Variants in MGAT4C observed in about 807,000 individuals in gnomAD.
MGAT4C encodes alpha-1,3-mannosyl-glycoprotein 4-beta-N-acetylglucosaminyltransferase C.
A neutral mutation model predicts 40.1 loss-of-function variants in MGAT4C; 19 were observed. The observed-to-expected ratio is 0.47, with a 90% CI of 0.33 to 0.70. The LOEUF (loss-of-function observed/expected upper bound fraction) is 0.70, where lower values mean the gene tolerates loss of function less well. Among genes scored for constraint, MGAT4C ranks in the 30% least tolerant of loss-of-function variants. The pLI is 0.02. For synonymous variants in MGAT4C, 181 were observed against 187.1 expected (o/e 0.97, Z 0.27); for missense variants, 491 against 563.2 (o/e 0.87, Z 1.30).
At chr12:86,651,690 T>C (rs184012150) in intron 2 of MGAT4C, among the ~76,000 whole-genome samples, 102 of 151,994 alleles carry the variant, frequency 6.7e-4, no homozygotes, top group African/African-American at 2.4e-3. Context: ...CCAACAATTG[T>C]ATTTTCTAAT....
chr12:86,200,873 GAC>G (rs1285127371), intron 1 of MGAT4C, among the ~76,000 whole-genome samples: 2 of 152,152 alleles, frequency 1.3e-5, no homozygotes, highest in East Asian at 3.9e-4. Flanking sequence ...ATAAAAAGAA[GAC>G]ACACCAGAGA....
At chr12:86,039,045 TG>T (rs1236967578) in intron 2 of MGAT4C, among the ~76,000 whole-genome samples, 1 of 144,924 alleles carries the variant, frequency 6.9e-6, no homozygotes, top group East Asian at 1.9e-4. Context: ...TCTTTAAGAA[TG>T]TTGAATATTG....
chr12:86,660,748 C>T (rs1479547516), intron 2 of MGAT4C, among the ~76,000 whole-genome samples: 1 of 152,102 alleles, frequency 6.6e-6, no homozygotes, highest in Non-Finnish European at 1.5e-5. Context: ...CATTTATACT[C>T]TTAGCAGGGT....
chr12:86,618,725 C>T (rs1418414661), intron 2 of MGAT4C, among the ~76,000 whole-genome samples: 2 of 151,544 alleles, frequency 1.3e-5, no homozygotes. Context: ...TGGGCACAAA[C>T]ATACAGTTAG....
At chr12:86,140,600 A>G (rs772387239) in intron 1 of MGAT4C, among the ~76,000 whole-genome samples, 7 of 152,152 alleles carry the variant, frequency 4.6e-5, no homozygotes, top group Non-Finnish European at 1.0e-4. Flanking sequence ...TGGTACATGT[A>G]TACCTATGTA....
chr12:86,345,118 G>A (rs116510518), intron 3 of MGAT4C, among the ~76,000 whole-genome samples: 1 of 151,872 alleles, frequency 6.6e-6, no homozygotes, highest in African/African-American at 2.4e-5. Flanking sequence ...CCAACATAAT[G>A]TAATATACTT....
At chr12:86,659,374 A>G (rs1963926507) in intron 2 of MGAT4C, among the ~76,000 whole-genome samples, 2 of 152,054 alleles carry the variant, frequency 1.3e-5, no homozygotes, top group South Asian at 4.1e-4. Context: ...CAAGCTGCTG[A>G]ATTAGATCAA....
intron 1 of MGAT4C, among the ~76,000 whole-genome samples, chr12:86,170,057 T>C (rs866167912): frequency 2.0e-5 from 3 of 152,156 alleles, no homozygotes; most frequent in Admixed American, 6.6e-5. Flanking sequence ...GTATATGATT[T>C]AGAATGGAAG....
chr12:86,803,275 T>C (rs1952269757), intron 1 of MGAT4C, among the ~76,000 whole-genome samples: 1 of 151,202 alleles, frequency 6.6e-6, no homozygotes, highest in South Asian at 2.1e-4. Flanking sequence ...CAAGATGGAT[T>C]AAAGATTTAA....
At chr12:86,666,676 C>T (rs1487859301) in intron 2 of MGAT4C, among the ~76,000 whole-genome samples, 1 of 152,128 alleles carries the variant, frequency 6.6e-6, no homozygotes, top group Non-Finnish European at 1.5e-5. Context: ...GAAACATCAA[C>T]ATAGCTTTGT....
chr12:86,244,989 G>A (rs1327000119), intron 1 of MGAT4C, among the ~76,000 whole-genome samples: 3 of 152,132 alleles, frequency 2.0e-5, no homozygotes, highest in Non-Finnish European at 4.4e-5. Flanking sequence ...CCACTGATGA[G>A]GCAACTGGGG....
At chr12:86,678,781 A>C (rs1351369891) in intron 2 of MGAT4C, among the ~76,000 whole-genome samples, 1 of 152,098 alleles carries the variant, frequency 6.6e-6, no homozygotes, top group Non-Finnish European at 1.5e-5. Context: ...ATGGCTGCAT[A>C]GTATTCCATG....
intron 4 of MGAT4C, among the ~76,000 whole-genome samples, chr12:86,293,221 G>A (rs373634548): frequency 1.3e-5 from 2 of 152,018 alleles, no homozygotes; most frequent in South Asian, 4.1e-4. Context: ...TGTGTGCATG[G>A]AGACAGTGTG....
At chr12:86,731,107 A>G (rs1377999127) in intron 1 of MGAT4C, among the ~76,000 whole-genome samples, 1 of 148,480 alleles carries the variant, frequency 6.7e-6, no homozygotes, top group Non-Finnish European at 1.5e-5. Context: ...ACCCATTTGT[A>G]TAGAACTTTG....
chr12:86,123,261 A>G (rs1369049938), intron 1 of MGAT4C, among the ~76,000 whole-genome samples: 2 of 152,190 alleles, frequency 1.3e-5, no homozygotes, highest in Non-Finnish European at 2.9e-5. Context: ...AGATGATTGC[A>G]GTGTCCTGAG....
At chr12:86,452,718 A>C (rs1371924194) in intron 2 of MGAT4C, among the ~76,000 whole-genome samples, 1 of 152,098 alleles carries the variant, frequency 6.6e-6, no homozygotes, top group Admixed American at 6.6e-5. Flanking sequence ...ATGATCAAAC[A>C]CAGACTTTTA....
At chr12:86,794,778 A>G (rs1381685267) in intron 1 of MGAT4C, among the ~76,000 whole-genome samples, 2 of 151,778 alleles carry the variant, frequency 1.3e-5, no homozygotes, top group Non-Finnish European at 3.0e-5. Context: ...ACAGAAATCA[A>G]TTTTTTTGTT....
At chr12:86,088,756 G>T (rs1431871386) in intron 1 of MGAT4C, among the ~76,000 whole-genome samples, 1 of 152,012 alleles carries the variant, frequency 6.6e-6, no homozygotes, top group African/African-American at 2.4e-5. Context: ...GATGCTGGAG[G>T]TGTTGCAGAG....
At chr12:86,415,798 G>A (rs1484811403) in intron 3 of MGAT4C, among the ~76,000 whole-genome samples, 2 of 151,962 alleles carry the variant, frequency 1.3e-5, no homozygotes, top group Non-Finnish European at 2.9e-5. Flanking sequence ...TCAGAATAAT[G>A]GGTATGTCCA....
Sources: allele counts gnomAD v4.1 joint callset (sites outside exome capture counted in the v4.1 genomes callset), GRCh38; gene constraint gnomAD v4.1.1; transcripts MANE v1.5; gene names NCBI Gene and HGNC (gene_info 2026-07-23, HGNC 2026-07-21).